The following STXBP3 variants were observed in gnomAD, a reference collection of about 807,000 sequenced individuals.
STXBP3 encodes syntaxin-binding protein 3.
In STXBP3, 41 loss-of-function variants were observed where a neutral mutation model predicts 85.7. The observed-to-expected ratio is 0.48, with a 90% CI of 0.37 to 0.62. STXBP3 has a LOEUF of 0.62. STXBP3 is among the 20% of genes least tolerant of loss of function. The probability of loss-of-function intolerance (pLI) is 0.00; values close to 1 mark genes in which losing one functional copy is unlikely to be tolerated. For synonymous variants in STXBP3, 229 were observed against 231.7 expected, an observed-to-expected ratio of 0.99 and a Z score of 0.10; for missense variants, 563 against 703.1, an observed-to-expected ratio of 0.80 and a Z score of 2.25.
At chr1:108,776,476 T>TGGCTTATAAAGAA in intron 8 of STXBP3, 53 bp downstream of exon 8, 1 of 1,380,414 alleles carries the variant, frequency 7.2e-7, no homozygotes, top group Non-Finnish European at 9.9e-7. Flanking sequence ...CTTATTTCTT[T>TGGCTTATAAAGAA]ATAAGCCAAA....
At chr1:108,795,617 GT>G (rs1408349732) in intron 13 of STXBP3, among the ~76,000 whole-genome samples, 1 of 152,072 alleles carries the variant, frequency 6.6e-6, no homozygotes, top group Non-Finnish European at 1.5e-5. Context: ...GTCTCCTGGT[GT>G]TTTGTACCTA....
chr1:108,764,502 A>G (rs565036080), intron 6 of STXBP3, among the ~76,000 whole-genome samples: 2 of 152,324 alleles, frequency 1.3e-5, no homozygotes, highest in Admixed American at 1.3e-4. Context: ...CAACTAATAT[A>G]CATTCCCACC....
In STXBP3 at chr1:108,791,793, G is replaced by A. The variant is rs75477560; in HGVS notation, c.964-1789G>A. Among the ~76,000 whole-genome samples the A allele has an allele frequency of 1.4e-3, 206 of 152,070 alleles. 3 individuals carry two copies. In the East Asian group the frequency reaches 0.025, roughly 19 times the overall value. On this transcript the variant is annotated intron_variant, in intron 11 of 18. Coordinates refer to ENST00000370008, the MANE Select transcript of STXBP3 (RefSeq NM_007269.4). ...CACCCCCCAAAATGTCCTCATGCCC[G>A]TTTGCAGATAACCCCTTAACTCAGT... is the stretch of plus-strand genomic sequence containing the variant.
At chr1:108,787,709 T>G (rs1662888462) in intron 11 of STXBP3, among the ~76,000 whole-genome samples, 1 of 152,166 alleles carries the variant, frequency 6.6e-6, no homozygotes, top group Non-Finnish European at 1.5e-5. Flanking sequence ...TTAGGTAGTT[T>G]TCTTTTATCA....
At chr1:108,753,666 A>G (rs1661955910) in intron 3 of STXBP3, among the ~76,000 whole-genome samples, 1 of 152,178 alleles carries the variant, frequency 6.6e-6, no homozygotes, top group African/African-American at 2.4e-5. Flanking sequence ...AAAAATCATA[A>G]TGTCATAAGA....
intron 7 of STXBP3, among the ~76,000 whole-genome samples, chr1:108,773,935 T>G (rs998613182): frequency 6.6e-5 from 10 of 152,066 alleles, no homozygotes; most frequent in African/African-American, 2.2e-4. Flanking sequence ...AATGAACATA[T>G]CCATCTAACC....
chr1:108,759,238 A>G (rs1048918224), intron 5 of STXBP3: 2 of 152,168 alleles, frequency 1.3e-5, no homozygotes, highest in Admixed American at 1.3e-4. Flanking sequence ...GTAGTATATC[A>G]TTTTTCCTAT....
chr1:108,791,023 T>C (rs1662962836), intron 11 of STXBP3, among the ~76,000 whole-genome samples: 1 of 152,232 alleles, frequency 6.6e-6, no homozygotes, highest in Non-Finnish European at 1.5e-5. Context: ...TTCTTACTGC[T>C]CTTCAGTTTT....
chr1:108,753,219 AGTT>A (rs1324410037), intron 3 of STXBP3, 75 bp downstream of exon 3: 1 of 1,072,810 alleles, frequency 9.3e-7, no homozygotes, highest in African/African-American at 1.6e-5. Context: ...TTTAGTTAGT[AGTT>A]GTGTTTCTAA....
chr1:108,760,797 A>G (rs910061476), intron 6 of STXBP3, among the ~76,000 whole-genome samples: 1 of 152,252 alleles, frequency 6.6e-6, no homozygotes, highest in Non-Finnish European at 1.5e-5. Context: ...GAATTGAAAT[A>G]GTTGACTGTT....
In STXBP3 at chr1:108,798,272, T is replaced by C. The variant is rs773193363; in HGVS notation, c.1449+35T>C. On this transcript the variant is annotated intron_variant, in intron 16 of 18. Coordinates refer to ENST00000370008, the MANE Select transcript of STXBP3 (RefSeq NM_007269.4). The stretch of plus-strand genomic sequence containing the variant: ...ATTAAAATGTTTTTTTCTACCTGAG[T>C]GCCCTCTTTAGAGTATTCTTTACTT... 11 of 1,530,156 alleles carry C rather than the reference T, an allele frequency of 7.2e-6. No individual in the cohort carries two copies. The African/African-American group carries it at 1.1e-4, about 15-fold the overall frequency. 94.8% of individuals were successfully genotyped at this position (1,530,156 alleles called of 1,614,324 possible).
intron 6 of STXBP3, chr1:108,767,098 C>T (rs1365119158): frequency 1.2e-5 from 4 of 331,230 alleles, no homozygotes; most frequent in Non-Finnish European, 2.4e-5. Flanking sequence ...GCTGGCTTCT[C>T]CTCCCTCTGC....
At chr1:108,769,345 T>G (rs1024612926) in intron 6 of STXBP3, among the ~76,000 whole-genome samples, 2 of 152,098 alleles carry the variant, frequency 1.3e-5, no homozygotes, top group Non-Finnish European at 2.9e-5. Context: ...TTTGTAACTT[T>G]TATTGAAAAA....
intron 16 of STXBP3, among the ~76,000 whole-genome samples, chr1:108,799,931 G>A (rs1413205075): frequency 5.3e-5 from 8 of 151,978 alleles, no homozygotes; most frequent in South Asian, 2.1e-4. Flanking sequence ...AGAGACCCCC[G>A]GCACCATAGA....
At chr1:108,801,215 A>G (rs983686498) in intron 17 of STXBP3, among the ~76,000 whole-genome samples, 2 of 151,726 alleles carry the variant, frequency 1.3e-5, no homozygotes, top group Non-Finnish European at 2.9e-5. Flanking sequence ...TTTTGATCAT[A>G]TTTATAATTG....
chr1:108,788,928 G>C (rs1275692873), intron 11 of STXBP3, among the ~76,000 whole-genome samples: 1 of 152,082 alleles, frequency 6.6e-6, no homozygotes, highest in Non-Finnish European at 1.5e-5. Flanking sequence ...AGCCGAGCTT[G>C]ATGGTGCCTA....
intron 2 of STXBP3, among the ~76,000 whole-genome samples, 159 bp downstream of exon 2, chr1:108,752,465 A>G (rs1661925391): frequency 6.6e-6 from 1 of 152,184 alleles, no homozygotes; most frequent in African/African-American, 2.4e-5. Flanking sequence ...GTTACATGCA[A>G]ACACTACACT....
intron 6 of STXBP3, among the ~76,000 whole-genome samples, chr1:108,770,150 G>A (rs1381186066): frequency 6.6e-6 from 1 of 152,028 alleles, no homozygotes; most frequent in Non-Finnish European, 1.5e-5. Flanking sequence ...AAAGGAATTA[G>A]CCAGGTGTGG....
intron 18 of STXBP3, among the ~76,000 whole-genome samples, chr1:108,807,919 A>G (rs1207189935): frequency 1.3e-5 from 2 of 152,180 alleles, no homozygotes; most frequent in African/African-American, 2.4e-5. Flanking sequence ...AAAAGTATAC[A>G]TGTAAAATGT....
Sources: gnomAD v4.1 joint callset for allele counts (sites outside exome capture counted in the v4.1 genomes callset) on GRCh38, gnomAD v4.1.1 for gene constraint, MANE v1.5 for transcripts, NCBI Gene and HGNC (gene_info 2026-07-23, HGNC 2026-07-21) for gene names.